The following TENM4 variants were observed in gnomAD, a reference collection of about 807,000 sequenced individuals.
TENM4 encodes the protein teneurin transmembrane protein 4.
TENM4 carries 82 observed loss-of-function variants against 243.3 expected under a neutral mutation model. The observed-to-expected ratio is 0.34, with a 90% CI of 0.28 to 0.40. The LOEUF (loss-of-function observed/expected upper bound fraction) is 0.40. Among genes scored for constraint, TENM4 ranks in the 10% least tolerant of loss-of-function variants. TENM4 has a pLI of 1.00. For missense variants in TENM4, 3,138 were observed against 3,673.3 expected (o/e 0.85, Z 3.77); for synonymous variants, 1,412 against 1,456.3 (o/e 0.97, Z 0.69).
At chr11:78,985,556 T>C (rs1225276039) in intron 6 of TENM4, among the ~76,000 whole-genome samples, 1 of 152,206 alleles carries the variant, frequency 6.6e-6, no homozygotes, top group Admixed American at 6.5e-5. Flanking sequence ...GTTTACCAGA[T>C]ATTATAATAT....
At chr11:78,906,129 T>C (rs1320470060) in intron 6 of TENM4, among the ~76,000 whole-genome samples, 1 of 152,258 alleles carries the variant, frequency 6.6e-6, no homozygotes, top group Non-Finnish European at 1.5e-5. Context: ...CTCATGGCAT[T>C]TTACTTAATT....
At chr11:78,780,877 GT>G (rs1210572494) in intron 16 of TENM4, among the ~76,000 whole-genome samples, 2 of 152,242 alleles carry the variant, frequency 1.3e-5, no homozygotes, top group East Asian at 3.9e-4. Context: ...CATCAGCACT[GT>G]GAGTTTTCAG....
intron 18 of TENM4, among the ~76,000 whole-genome samples, chr11:78,768,376 T>C (rs952985932): frequency 2.0e-5 from 3 of 152,230 alleles, no homozygotes; most frequent in Non-Finnish European, 4.4e-5. Context: ...GAAAGTCCCA[T>C]GGGACAGAAA....
intron 6 of TENM4, among the ~76,000 whole-genome samples, chr11:78,905,766 A>G (rs1856047510): frequency 6.6e-6 from 1 of 152,230 alleles, no homozygotes; most frequent in South Asian, 2.1e-4. Context: ...CTGGGAAGGG[A>G]GAGAACCTGG....
intron 30 of TENM4, among the ~76,000 whole-genome samples, chr11:78,675,125 C>T (rs912102600): frequency 1.3e-5 from 2 of 152,076 alleles, no homozygotes; most frequent in African/African-American, 4.8e-5. Flanking sequence ...CCTCAGCCTC[C>T]CAAAGTGCTG....
chr11:79,164,401 C>T (rs1383307218), intron 3 of TENM4, among the ~76,000 whole-genome samples: 1 of 128,870 alleles, frequency 7.8e-6, no homozygotes, highest in East Asian at 2.2e-4. Context: ...TATAGATATA[C>T]TAGAATATAT....
intron 20 of TENM4, among the ~76,000 whole-genome samples, chr11:78,735,720 T>G (rs1430393374): frequency 1.3e-5 from 2 of 152,212 alleles, no homozygotes; most frequent in South Asian, 2.1e-4. Flanking sequence ...AGCCTCAGTT[T>G]TCTCATTTGT....
intron 3 of TENM4, among the ~76,000 whole-genome samples, chr11:79,154,205 C>A (rs1862560479): frequency 6.6e-6 from 1 of 152,038 alleles, no homozygotes. Context: ...GTGTTGGCAT[C>A]TGCTTCTGGT....
intron 12 of TENM4, among the ~76,000 whole-genome samples, chr11:78,815,765 G>T (rs1275775947): frequency 6.6e-6 from 1 of 152,180 alleles, no homozygotes; most frequent in Admixed American, 6.5e-5. Context: ...AGTACATATT[G>T]TTATTCCTAT....
At chr11:79,215,674 C>T (rs1864038532) in intron 3 of TENM4, 134 bp downstream of exon 3, 4 of 811,146 alleles carry the variant, frequency 4.9e-6, no homozygotes, top group Non-Finnish European at 6.0e-6. Context: ...AACTCCTCTA[C>T]TTTCTATGCT....
At chr11:78,944,293 G>T (rs1242879986) in intron 6 of TENM4, among the ~76,000 whole-genome samples, 1 of 152,052 alleles carries the variant, frequency 6.6e-6, no homozygotes, top group Non-Finnish European at 1.5e-5. Context: ...ACCTGATTCT[G>T]GTCCACACTT....
In TENM4 at chr11:78,862,979, C is replaced by T; in HGVS notation, c.1238G>A (p.Gly413Asp). Residue 413 changes from glycine (G) to aspartate (D), a missense_variant, in exon 10 of 34, where the codon GGC becomes GAC. Physicochemically the swap from Gly to Asp is moderately conservative, Grantham distance 94. Transcript: ENST00000278550. ...GTGLETPDRK[G>D]KGTTEGKPSS... ...AACCCTACCTTCTGTGGTTCCTTTG[C>T]CTTTCCTGTCAGGGGTCTCTAAGCC... 2.7e-6 allele frequency: 4 copies of T among 1,470,414 alleles called. No individual in the cohort carries two copies. Among genetic ancestry groups the T allele is most frequent in the Non-Finnish European group, 3.7e-6 (4 of 1,091,638 alleles). The allele number at this position is 1,470,414 out of a possible 1,614,324, so 91.1% of individuals were successfully genotyped here. A position where few individuals can be genotyped will look rare whatever the true frequency, so the allele number is the denominator to read the frequency against.
chr11:78,911,031 A>G (rs1001626313), intron 6 of TENM4, among the ~76,000 whole-genome samples: 7 of 152,242 alleles, frequency 4.6e-5, no homozygotes, highest in African/African-American at 1.4e-4. Context: ...TCATTTAGTC[A>G]GGACAGAACT....
chr11:78,863,408 G>A (rs376856488), intron 9 of TENM4, among the ~76,000 whole-genome samples: 6 of 152,306 alleles, frequency 3.9e-5, no homozygotes, highest in East Asian at 1.9e-4. Context: ...TCTTTGCTTC[G>A]AAAGATAAAT....
chr11:78,976,983 T>TA (rs1857673370), intron 6 of TENM4, among the ~76,000 whole-genome samples: 1 of 152,210 alleles, frequency 6.6e-6, no homozygotes, highest in Admixed American at 6.5e-5. Flanking sequence ...ACTTGACATT[T>TA]AATATGCAAC....
chr11:78,708,283 T>C, intron 27 of TENM4, 78 bp downstream of exon 27: 3 of 1,579,286 alleles, frequency 1.9e-6, no homozygotes, highest in Non-Finnish European at 2.6e-6. Context: ...CAAAGATGAA[T>C]GGCCAGCAGG....
chr11:79,069,932 C>T lies in TENM4; in HGVS notation c.13G>A (p.Glu5Lys). The change falls in exon 5 of 34, where the codon GAG (glutamate) becomes AAG (lysine). Residue 5 changes from glutamate to lysine, a missense_variant. By Grantham distance (56) the Glu-to-Lys change is moderately conservative (BLOSUM62 1). This residue lies in a region of TENM4 where 671 missense variants were observed against 614.1 expected (regional missense o/e 1.09). Transcript: ENST00000278550. ...GTCAGCGAGCGGTAAGGCTTCCTCT[C>T]CTTCACGTCCATGGCCTCCGGCCCG... Reference protein sequence around the residue: MDVKERKPYRSLTRR... With the variant: MDVKKRKPYRSLTRR... 1 of 1,546,296 alleles carries T rather than the reference C, an allele frequency of 6.5e-7. No homozygotes were observed. Among genetic ancestry groups the T allele is most frequent in the Non-Finnish European group, 8.7e-7 (1 of 1,146,504 alleles).
chr11:79,193,037 G>A (rs994273942), intron 3 of TENM4: 8 of 152,446 alleles, frequency 5.2e-5, no homozygotes, highest in African/African-American at 1.9e-4. Context: ...CAGCGCCCAG[G>A]ACCCCTGCCT....
At chr11:79,307,091 A>C (rs1856638351) in intron 1 of TENM4, among the ~76,000 whole-genome samples, 1 of 152,196 alleles carries the variant, frequency 6.6e-6, no homozygotes, top group Non-Finnish European at 1.5e-5. Context: ...ACCATGTGCA[A>C]GGTGCTTCCA....
Sources: gnomAD v4.1 joint callset for allele counts (sites outside exome capture counted in the v4.1 genomes callset) on GRCh38, gnomAD v4.1.1 for gene constraint, gnomAD v4.1.1 regional missense constraint, MANE v1.5 for transcripts, NCBI Gene and HGNC (gene_info 2026-07-23, HGNC 2026-07-21) for gene names.